RBFOX1: variants seen among roughly 807,000 people sequenced by gnomAD.
RBFOX1 encodes the protein RNA binding protein fox-1 homolog 1.
RBFOX1 carries 8 observed loss-of-function variants against 57.7 expected under a neutral mutation model. The ratio of observed to expected loss-of-function variants is 0.14; its 90% CI spans 0.08 to 0.25. The LOEUF (loss-of-function observed/expected upper bound fraction) is 0.25, where lower values mean the gene tolerates loss of function less well. RBFOX1 is among the 10% of genes least tolerant of loss of function. RBFOX1 has a pLI of 1.00. For synonymous variants in RBFOX1, 326 were observed against 222.4 expected (o/e 1.47, Z -4.15); for missense variants, 611 against 548.5 (o/e 1.11, Z -1.14).
At chr16:5,878,500 G>A (rs1196909836) in intron 4 of RBFOX1, among the ~76,000 whole-genome samples, 3 of 152,098 alleles carry the variant, frequency 2.0e-5, no homozygotes, top group African/African-American at 7.2e-5. Flanking sequence ...CTGAACCAGC[G>A]GTCCAGCAAA....
chr16:6,595,424 TATAA>T (rs778198948), intron 2 of RBFOX1, among the ~76,000 whole-genome samples: 4 of 152,254 alleles, frequency 2.6e-5, no homozygotes, highest in Non-Finnish European at 4.4e-5. Context: ...TATTACGTTA[TATAA>T]ATATACGACG....
At chr16:7,531,844 G>T (rs1217764963) in intron 5 of RBFOX1, among the ~76,000 whole-genome samples, 1 of 151,980 alleles carries the variant, frequency 6.6e-6, no homozygotes, top group Non-Finnish European at 1.5e-5. Flanking sequence ...AGTCTGTAGA[G>T]CTCTCAACTC....
intron 3 of RBFOX1, among the ~76,000 whole-genome samples, chr16:6,893,618 A>G (rs765818595): frequency 6.6e-6 from 1 of 152,200 alleles, no homozygotes; most frequent in Non-Finnish European, 1.5e-5. Flanking sequence ...ATAAGGAGAA[A>G]AGGAGAACAA....
At chr16:6,990,044 G>T (rs2091155900) in intron 3 of RBFOX1, among the ~76,000 whole-genome samples, 1 of 152,088 alleles carries the variant, frequency 6.6e-6, no homozygotes, top group African/African-American at 2.4e-5. Context: ...CTTGAAATAT[G>T]ATTTAGCTCC....
At chr16:7,476,079 C>T (rs186794179) in intron 4 of RBFOX1, among the ~76,000 whole-genome samples, 33 of 152,310 alleles carry the variant, frequency 2.2e-4, no homozygotes, top group South Asian at 4.1e-4. Flanking sequence ...GATCCTCCCA[C>T]CTCAGCATCC....
At chr16:7,603,165 G>A (rs558973980) in intron 9 of RBFOX1, among the ~76,000 whole-genome samples, 75 of 152,210 alleles carry the variant, frequency 4.9e-4, no homozygotes, top group African/African-American at 1.8e-3. Flanking sequence ...TCCCTAACAC[G>A]ATTCTTCTTT....
At chr16:7,552,040 C>T (rs956429257) in intron 5 of RBFOX1, among the ~76,000 whole-genome samples, 1 of 152,116 alleles carries the variant, frequency 6.6e-6, no homozygotes, top group Non-Finnish European at 1.5e-5. Flanking sequence ...TATTTTTACC[C>T]CTCCCCACAA....
chr16:6,411,483 C>G (rs1018393733), intron 2 of RBFOX1, among the ~76,000 whole-genome samples: 1 of 152,154 alleles, frequency 6.6e-6, no homozygotes, highest in Non-Finnish European at 1.5e-5. Flanking sequence ...CTGGATTTCT[C>G]TATTTATAGA....
chr16:6,083,146 C>A (rs1375328353), intron 1 of RBFOX1, among the ~76,000 whole-genome samples: 2 of 152,088 alleles, frequency 1.3e-5, no homozygotes, highest in East Asian at 3.9e-4. Context: ...GGACCAGAGG[C>A]ATGCACTACC....
chr16:5,757,250 GGAGATGGAGTGT>G (rs1256901431), intron 3 of RBFOX1, among the ~76,000 whole-genome samples: 2 of 74,930 alleles, frequency 2.7e-5, no homozygotes, highest in Admixed American at 3.2e-4. Flanking sequence ...TTTTTTTTTT[GGAGATGGAGTGT>G]CACTCTGTTG....
At chr16:5,265,807 T>C (rs1326799112) in intron 1 of RBFOX1, among the ~76,000 whole-genome samples, 3 of 152,174 alleles carry the variant, frequency 2.0e-5, no homozygotes, top group Admixed American at 6.5e-5. Context: ...GGGACTGTGC[T>C]TTTATGGTGG....
At chr16:5,397,498 A>G (rs901711569) in intron 1 of RBFOX1, among the ~76,000 whole-genome samples, 2 of 152,332 alleles carry the variant, frequency 1.3e-5, no homozygotes, top group South Asian at 2.1e-4. Flanking sequence ...AGTGTGCCAT[A>G]TCTGCAACCC....
At chr16:5,364,161 G>A (rs1005767680) in intron 1 of RBFOX1, among the ~76,000 whole-genome samples, 1 of 152,186 alleles carries the variant, frequency 6.6e-6, no homozygotes, top group Non-Finnish European at 1.5e-5. Context: ...GTTGCCAATT[G>A]CTTTATTAAT....
chr16:5,396,126 G>A (rs903045121), intron 1 of RBFOX1, among the ~76,000 whole-genome samples: 18 of 152,162 alleles, frequency 1.2e-4, no homozygotes, highest in Non-Finnish European at 2.1e-4. Context: ...ATGATAATCT[G>A]TTATGTAGCA....
intron 3 of RBFOX1, among the ~76,000 whole-genome samples, chr16:6,806,817 A>AAT (rs1250190342): frequency 0.012 from 1,020 of 85,078 alleles, 25 homozygotes; most frequent in Middle Eastern, 0.045. Flanking sequence ...TAAATATATA[A>AAT]ATATATATAT....
chr16:5,757,231 G>GC (rs2053429914), intron 3 of RBFOX1, among the ~76,000 whole-genome samples: 1 of 127,050 alleles, frequency 7.9e-6, no homozygotes, highest in African/African-American at 3.0e-5. Flanking sequence ...TGGTTTTTGT[G>GC]TTTTTTTTTT....
chr16:6,537,334 A>G (rs1238750011), intron 2 of RBFOX1, among the ~76,000 whole-genome samples: 1 of 152,186 alleles, frequency 6.6e-6, no homozygotes, highest in East Asian at 1.9e-4. Flanking sequence ...CTGCAATAGA[A>G]TTGCATCCAG....
chr16:5,623,625 C>G (rs141423796), intron 3 of RBFOX1, among the ~76,000 whole-genome samples: 195 of 151,426 alleles, frequency 1.3e-3, no homozygotes, highest in South Asian at 5.2e-3. Flanking sequence ...CTTTTGTTCC[C>G]GCTACACTGG....
chr16:7,706,471 G>A (rs957006799), intron 14 of RBFOX1, among the ~76,000 whole-genome samples: 1 of 152,220 alleles, frequency 6.6e-6, no homozygotes, highest in African/African-American at 2.4e-5. Flanking sequence ...GAAGTATGCA[G>A]TAGGAAAAGG....
Sources: gnomAD v4.1 joint callset for allele counts (sites outside exome capture counted in the v4.1 genomes callset) on GRCh38, gnomAD v4.1.1 for gene constraint, MANE v1.5 for transcripts, NCBI Gene and HGNC (gene_info 2026-07-23, HGNC 2026-07-21) for gene names.